SNRNP200: variants seen among roughly 807,000 people sequenced by gnomAD.
The protein encoded by SNRNP200 is U5 small nuclear ribonucleoprotein 200 kDa helicase.
Under a neutral mutation model 255.2 loss-of-function variants are expected in SNRNP200, and 66 were observed. The ratio of observed to expected loss-of-function variants is 0.26; its 90% CI spans 0.21 to 0.32. The LOEUF (loss-of-function observed/expected upper bound fraction) is 0.32. Ranked by LOEUF, SNRNP200 falls within the 10% of genes least tolerant of loss-of-function variation. SNRNP200 has a pLI of 1.00. For missense variants in SNRNP200, 1,585 were observed against 2,749.8 expected, an observed-to-expected ratio of 0.58 and a Z score of 9.47; for synonymous variants, 939 against 1,027.8, an observed-to-expected ratio of 0.91 and a Z score of 1.65.
intron 5 of SNRNP200, 41 bp downstream of exon 5, chr2:96,300,957 A>G (rs931056826): frequency 1.3e-6 from 2 of 1,568,212 alleles, no homozygotes; most frequent in East Asian, 2.2e-5. Flanking sequence ...ACCTTAATCA[A>G]CGTCAAAAAC....
chr2:96,282,128 C>T (rs2104337760), intron 34 of SNRNP200: 1 of 556,124 alleles, frequency 1.8e-6, no homozygotes, highest in Non-Finnish European at 3.3e-6. Flanking sequence ...CTGGGACTAT[C>T]CAGGAGAAAA....
rs766371984 is a variant in SNRNP200 at position 96,277,048 on chromosome 2, T to C, written c.6092+33A>G. 2.4e-5 allele frequency: 38 copies of C among 1,613,918 alleles called. No homozygotes were observed. Among genetic ancestry groups the C allele is most frequent in the Non-Finnish European group, 3.2e-5 (38 of 1,179,890 alleles). On this transcript the variant is annotated intron_variant, in intron 42 of 44. Coordinates refer to ENST00000323853, the MANE Select transcript of SNRNP200 (RefSeq NM_014014.5). The surrounding 1 kb of genome is among the most constrained non-coding windows in gnomAD (Gnocchi z 4.4). ...GCAGTGGGCTCAGAGCACACTATTA[T>C]GCTGTGCCCAACAGGCACCACCTCT...
intron 23 of SNRNP200, 117 bp downstream of exon 23, chr2:96,288,920 A>T: frequency 9.1e-7 from 1 of 1,095,794 alleles, no homozygotes; most frequent in Non-Finnish European, 1.4e-6. Flanking sequence ...GGCTGCAAAA[A>T]CTAGGAGAAC....
chr2:96,304,657 A>T (rs752783170), intron 2 of SNRNP200, 48 bp downstream of exon 2: 2 of 1,611,752 alleles, frequency 1.2e-6, no homozygotes, highest in Admixed American at 3.3e-5. Flanking sequence ...TGTTAAAGGG[A>T]AGAGACTTTG....
At position 96,284,466 on chromosome 2, in the gene SNRNP200, G is replaced by A. The variant is rs1456063386; in HGVS notation, c.4284C>T (p.Thr1428=). ...GGGAAAGTATGTCCCACTTCTCAGG[G>A]GTGCTGATGATAATGTTCCCTTTGC... is the stretch of plus-strand genomic sequence containing the variant. ...LLGKGNIIIS[T]PEKWDILSRR... is the part of the protein sequence containing the mutation. Residue 1428 remains threonine (T), a synonymous_variant, in exon 31 of 45, where the codon ACC becomes ACT. Transcript: ENST00000323853. 1 of 1,614,054 alleles carries A rather than the reference G, an allele frequency of 6.2e-7. No individual in the cohort carries two copies. The highest frequency in any genetic ancestry group is 8.5e-7 in the Non-Finnish European group (1 of 1,180,036).
rs3731930 is a variant in SNRNP200 at position 96,300,923 on chromosome 2, G to T, written c.630+75C>A. Reference sequence around the variant, plus strand: ...TTATCTGGTTTAAACTAGAGAGCTTGTTTACACTAGAAGGGGTCCCTTTAC... The same window carrying T: ...TTATCTGGTTTAAACTAGAGAGCTTTTTTACACTAGAAGGGGTCCCTTTAC... On this transcript the variant is annotated intron_variant, in intron 5 of 44. Coordinates refer to ENST00000323853, the MANE Select transcript of SNRNP200 (RefSeq NM_014014.5). 3 of 1,243,674 alleles carry T rather than the reference G, an allele frequency of 2.4e-6. No individual in the cohort carries two copies. The East Asian group carries it at 7.0e-5, about 29-fold the overall frequency. The allele number at this position is 1,243,674 out of a possible 1,614,324, so 77.0% of individuals were successfully genotyped here.
rs566198035 is a variant in SNRNP200 at position 96,278,181 on chromosome 2, C to A, written c.5610+56G>T. 4 of 1,613,192 alleles carry A rather than the reference C, an allele frequency of 2.5e-6. No homozygotes were observed. Among genetic ancestry groups the A allele is most frequent in the African/African-American group, 2.7e-5 (2 of 75,024 alleles). On this transcript the variant is annotated intron_variant, in intron 39 of 44. Coordinates refer to ENST00000323853, the MANE Select transcript of SNRNP200 (RefSeq NM_014014.5). The surrounding 1 kb of genome is among the most constrained non-coding windows in gnomAD (Gnocchi z 6.9). ...TGGCAGGGATGCCATGTGCTCTGGGCACACAGGCCGAGTTTGTTGTTCCCA... is the reference window on the plus strand; with the variant it reads ...TGGCAGGGATGCCATGTGCTCTGGGAACACAGGCCGAGTTTGTTGTTCCCA...
Position 96,283,619 on chromosome 2 carries a change from A to G in SNRNP200, c.4679T>C (p.Ile1560Thr). Residue 1560 changes from isoleucine (I) to threonine (T), a missense_variant, in exon 33 of 45, where the codon ATT becomes ACT. Coordinates refer to ENST00000323853, the MANE Select transcript of SNRNP200 (RefSeq NM_014014.5). This position sits in a 1 kb window ranked among gnomAD's most constrained non-coding sequence, Gnocchi z 4.7. ...ITKHSPKKPV[I>T]VFVPSRKQTR... Reference sequence around the variant, plus strand: ...CTGCTTGCGAGACGGCACAAAGACAATGACAGGCTTCTTGGGCGAGTGCTT... The same window carrying G: ...CTGCTTGCGAGACGGCACAAAGACAGTGACAGGCTTCTTGGGCGAGTGCTT... The G allele has an allele frequency of 6.2e-7, 1 of 1,614,076 alleles. No homozygotes were observed.
Position 96,283,431 on chromosome 2 carries a change from C to T in SNRNP200, c.4764-79G>A, listed in dbSNP as rs1558765060. The T allele has an allele frequency of 2.5e-6, 4 of 1,612,818 alleles. No individual in the cohort carries two copies. In the East Asian group the frequency reaches 8.9e-5, roughly 36 times the overall value. ...CTTTGCCAGCTGTGCAGAACCTGGC[C>T]CCAAGCAACATGGGCTAACCCCACC... On this transcript the variant is annotated intron_variant, in intron 33 of 44. Transcript: ENST00000323853. This position sits in a 1 kb window ranked among gnomAD's most constrained non-coding sequence, Gnocchi z 4.7.
At chr2:96,289,693 G>T (rs2063871918) in intron 21 of SNRNP200, 106 bp downstream of exon 21, 3 of 995,894 alleles carry the variant, frequency 3.0e-6, no homozygotes, top group Non-Finnish European at 1.6e-6. Context: ...TAAGCAACAG[G>T]TGATTAGATA....
At chr2:96,293,643 C>A in intron 14 of SNRNP200, 134 bp from the exon 15 acceptor site, 1 of 760,088 alleles carries the variant, frequency 1.3e-6, no homozygotes. Flanking sequence ...GCCACAGATG[C>A]CCAAAGGATG....
rs181025010 is a variant in SNRNP200 at position 96,274,740 on chromosome 2, C to G, written c.*272G>C. ...TCACTACAAAGACAAATGGTTTCTA[C>G]AAATTATTTTATTAGAATGTCAGAC... On this transcript the variant is annotated 3_prime_UTR_variant, in exon 45 of 45. Transcript: ENST00000323853. The G allele has an allele frequency of 4.0e-6, 2 of 501,208 alleles. No homozygotes were observed. Among genetic ancestry groups the G allele is most frequent in the Non-Finnish European group, 7.3e-6 (2 of 275,622 alleles). The allele number at this position is 501,208 out of a possible 1,614,324, so 31.0% of individuals were successfully genotyped here.
rs772175 is a variant in SNRNP200 at position 96,278,815 on chromosome 2, G to A, written c.5317C>T (p.Leu1773=). 0.32 allele frequency: 516,366 copies of A among 1,613,902 alleles called. 87,418 individuals are homozygous for A. The highest frequency in any genetic ancestry group is 0.43 in the East Asian group (19,183 of 44,856). ...TGCTCCCAAGCCCACTGACCCTGCA[G>A]GTTGTAGTAATTGGGGTTCTGTGTC... ...RMTQNPNYYN[L]QGISHRHLSD... is the part of the protein sequence containing the mutation. The change falls in exon 37 of 45, where the codon CTG becomes TTG. Residue 1773 remains leucine (L), a synonymous_variant. Coordinates refer to ENST00000323853, the MANE Select transcript of SNRNP200 (RefSeq NM_014014.5). This position sits in a 1 kb window ranked among gnomAD's most constrained non-coding sequence, Gnocchi z 6.9.
In SNRNP200 at chr2:96,291,295, C is replaced by T. The variant is rs1336674245; in HGVS notation, c.2421+97G>A. On this transcript the variant is annotated intron_variant, in intron 18 of 44. Coordinates refer to ENST00000323853, the MANE Select transcript of SNRNP200 (RefSeq NM_014014.5). This position sits in a 1 kb window ranked among gnomAD's most constrained non-coding sequence, Gnocchi z 4.2. ...TGACCTGGGCTAGCTGGGCCAGAAG[C>T]AATAAAGTACCAGGAGCAAACATGG... 1.2e-6 allele frequency: 1 copy of T among 811,316 alleles called. No individual in the cohort carries two copies. Among genetic ancestry groups the T allele is most frequent in the Non-Finnish European group, 2.2e-6 (1 of 452,222 alleles). The allele number at this position is 811,316 out of a possible 1,614,324, so 50.3% of individuals were successfully genotyped here. A position where few individuals can be genotyped will look rare whatever the true frequency, so the allele number is the denominator to read the frequency against.
intron 13 of SNRNP200, 133 bp from the exon 14 acceptor site, chr2:96,295,791 T>C: frequency 1.1e-6 from 1 of 892,976 alleles, no homozygotes; most frequent in Non-Finnish European, 1.8e-6. Flanking sequence ...GCGAATCAGA[T>C]CTTATGAACA....
At chr2:96,276,126 A>T (rs1279607594) in intron 43 of SNRNP200, among the ~76,000 whole-genome samples, 1 of 152,268 alleles carries the variant, frequency 6.6e-6, no homozygotes, top group Non-Finnish European at 1.5e-5. Context: ...AGTTAAAAGC[A>T]GTCTTTACTC....
intron 31 of SNRNP200, 95 bp from the exon 32 acceptor site, chr2:96,284,099 G>T: frequency 1.6e-6 from 2 of 1,220,206 alleles, no homozygotes; most frequent in Non-Finnish European, 2.3e-6. Context: ...GCCTCAAAAT[G>T]ACCTCATTCT....
At chr2:96,295,285 G>A (rs2063909964) in intron 14 of SNRNP200, among the ~76,000 whole-genome samples, 1 of 152,148 alleles carries the variant, frequency 6.6e-6, no homozygotes, top group Non-Finnish European at 1.5e-5. Flanking sequence ...ATAATGTTTT[G>A]GATGGCCCTG....
At chr2:96,285,663 C>A (rs2063839764) in intron 29 of SNRNP200, among the ~76,000 whole-genome samples, 2 of 152,196 alleles carry the variant, frequency 1.3e-5, no homozygotes, top group Non-Finnish European at 2.9e-5. Context: ...GGATGCGGGA[C>A]AGAAAGGAAC....
Sources: gnomAD v4.1 joint callset for allele counts (sites outside exome capture counted in the v4.1 genomes callset) on GRCh38, gnomAD v4.1.1 for gene constraint, Gnocchi (gnomAD v3.1) non-coding constraint, MANE v1.5 for transcripts, NCBI Gene and HGNC (gene_info 2026-07-23, HGNC 2026-07-21) for gene names.